Variants in RANBP2 observed in about 807,000 individuals in gnomAD.
RANBP2 encodes the protein RAN binding protein 2.
A neutral mutation model predicts 303.6 loss-of-function variants in RANBP2; 57 were observed. The ratio of observed to expected loss-of-function variants is 0.19; its 90% CI spans 0.15 to 0.23. The LOEUF (loss-of-function observed/expected upper bound fraction) is 0.23. RANBP2 is among the 10% of genes least tolerant of loss of function. The probability of loss-of-function intolerance (pLI) is 1.00; values close to 1 mark genes in which losing one functional copy is unlikely to be tolerated. For synonymous variants in RANBP2, 1,167 were observed against 1,301.5 expected (o/e 0.90, Z 2.23); for missense variants, 3,138 against 3,780.8 (o/e 0.83, Z 4.46).
chr2:109,046,547 G>A, the RANBP2 span, among the ~76,000 whole-genome samples: 122 of 151,328 alleles, frequency 8.1e-4, no homozygotes, highest in African/African-American at 2.7e-3. Context: ...GCTGGGATTA[G>A]AGGTGCCCGC....
chr2:109,453,808 C>T, the RANBP2 span, among the ~76,000 whole-genome samples: 1 of 152,182 alleles, frequency 6.6e-6, no homozygotes, highest in Non-Finnish European at 1.5e-5. Flanking sequence ...GGGTCACCGA[C>T]AAAGGCGCCT....
At chr2:109,200,377 TTC>T in the RANBP2 span, among the ~76,000 whole-genome samples, 1 of 152,070 alleles carries the variant, frequency 6.6e-6, no homozygotes, top group Non-Finnish European at 1.5e-5. Context: ...GCCTGTGGTT[TTC>T]TGTCATCTGC....
At chr2:109,477,567 C>T in the RANBP2 span, among the ~76,000 whole-genome samples, 5 of 152,178 alleles carry the variant, frequency 3.3e-5, no homozygotes, top group Middle Eastern at 3.4e-3. Context: ...GGGGTCACAG[C>T]GCCTGTTGTA....
the RANBP2 span, among the ~76,000 whole-genome samples, chr2:108,969,025 GC>G: frequency 5.9e-5 from 9 of 152,200 alleles, no homozygotes; most frequent in African/African-American, 2.2e-4. Context: ...AATCAGCAAG[GC>G]CACCTCAAGG....
the RANBP2 span, among the ~76,000 whole-genome samples, chr2:109,384,632 C>T: frequency 3.7e-4 from 57 of 152,286 alleles, no homozygotes; most frequent in Middle Eastern, 3.4e-3. Flanking sequence ...CGAGTGCCCG[C>T]GACCTTGTGC....
chr2:109,174,056 C>T, the RANBP2 span, among the ~76,000 whole-genome samples: 1 of 152,234 alleles, frequency 6.6e-6, no homozygotes. Context: ...TTGGTGGCTG[C>T]TCCCACAGTG....
the RANBP2 span, among the ~76,000 whole-genome samples, chr2:108,795,886 G>A: frequency 6.6e-6 from 1 of 152,186 alleles, no homozygotes. Flanking sequence ...AGAGTAAAAA[G>A]TCAGGTTTTA....
chr2:109,398,610 G>C, the RANBP2 span: 5 of 1,580,090 alleles, frequency 3.2e-6, no homozygotes, highest in Non-Finnish European at 4.3e-6. Context: ...CCGCCAAGCA[G>C]CTCATTGAGA....
At chr2:109,416,696 C>T in the RANBP2 span, among the ~76,000 whole-genome samples, 3 of 151,814 alleles carry the variant, frequency 2.0e-5, no homozygotes, top group African/African-American at 7.3e-5. Flanking sequence ...TGCCACTGTA[C>T]TCCAGCCTGG....
the RANBP2 span, among the ~76,000 whole-genome samples, chr2:108,982,298 A>C: frequency 6.6e-6 from 1 of 152,226 alleles, no homozygotes; most frequent in Admixed American, 6.5e-5. Flanking sequence ...CTGTTTACAG[A>C]GATGAACCCA....
At chr2:108,800,647 T>C in the RANBP2 span, among the ~76,000 whole-genome samples, 12 of 134,492 alleles carry the variant, frequency 8.9e-5, no homozygotes, top group Non-Finnish European at 7.8e-5. Flanking sequence ...TTAATTATAC[T>C]TTAAGTTTTA....
At chr2:108,779,052 C>T (rs1381936217) in intron 25 of RANBP2, among the ~76,000 whole-genome samples, 1 of 151,888 alleles carries the variant, frequency 6.6e-6, no homozygotes, top group Non-Finnish European at 1.5e-5. Flanking sequence ...TTTTGAGCCC[C>T]CAAGTTGGTA....
At chr2:109,640,898 G>A in the RANBP2 span, among the ~76,000 whole-genome samples, 2 of 152,058 alleles carry the variant, frequency 1.3e-5, no homozygotes, top group Admixed American at 6.6e-5. Flanking sequence ...CTTCCAAATC[G>A]ACTCTTAAAA....
At chr2:108,799,264 T>C in the RANBP2 span, among the ~76,000 whole-genome samples, 286 of 152,338 alleles carry the variant, frequency 1.9e-3, 3 homozygotes, top group African/African-American at 6.7e-3. Context: ...GGATATTGTA[T>C]AGGTGGTATA....
the RANBP2 span, among the ~76,000 whole-genome samples, chr2:108,949,381 T>C: frequency 1.3e-5 from 2 of 152,214 alleles, no homozygotes; most frequent in Non-Finnish European, 2.9e-5. Flanking sequence ...CTGATAATTT[T>C]GCTTTTCAGT....
At chr2:108,881,518 C>G in the RANBP2 span, among the ~76,000 whole-genome samples, 1 of 152,196 alleles carries the variant, frequency 6.6e-6, no homozygotes, top group Non-Finnish European at 1.5e-5. Context: ...TTTTCCTTTG[C>G]TTTCACAACT....
At chr2:109,091,814 A>G in the RANBP2 span, among the ~76,000 whole-genome samples, 9 of 152,162 alleles carry the variant, frequency 5.9e-5, no homozygotes, top group Non-Finnish European at 2.9e-5. Context: ...GATGTCCCTT[A>G]ACTATAGCCC....
the RANBP2 span, among the ~76,000 whole-genome samples, chr2:109,279,799 G>A: frequency 1.3e-5 from 2 of 152,216 alleles, no homozygotes; most frequent in Non-Finnish European, 2.9e-5. Context: ...GGCCGGGCAA[G>A]AAGAGGTCCG....
the RANBP2 span, chr2:109,545,104 C>T: frequency 2.0e-6 from 2 of 985,370 alleles, no homozygotes; most frequent in Non-Finnish European, 1.2e-6. Flanking sequence ...GAAATAGATG[C>T]AGTGAGAGCA....
Sources: gnomAD v4.1 joint callset for allele counts (sites outside exome capture counted in the v4.1 genomes callset) on GRCh38, gnomAD v4.1.1 for gene constraint, MANE v1.5 for transcripts, NCBI Gene and HGNC (gene_info 2026-07-23, HGNC 2026-07-21) for gene names.